SCRN1: variants seen among roughly 807,000 people sequenced by gnomAD.
SCRN1 encodes secernin 1.
SCRN1 carries 19 observed loss-of-function variants against 43.3 expected under a neutral mutation model. The observed-to-expected ratio is 0.44, with a 90% CI of 0.31 to 0.64. The LOEUF (loss-of-function observed/expected upper bound fraction) is 0.64, where lower values mean the gene tolerates loss of function less well. Ranked by LOEUF, SCRN1 falls within the 30% of genes least tolerant of loss-of-function variation. The pLI is 0.09. For synonymous variants in SCRN1, 183 were observed against 188.9 expected, an observed-to-expected ratio of 0.97 and a Z score of 0.26; for missense variants, 447 against 524.1, an observed-to-expected ratio of 0.85 and a Z score of 1.44.
At chr7:29,939,218 G>GT (rs1037672752) in intron 5 of SCRN1, among the ~76,000 whole-genome samples, 148 of 151,498 alleles carry the variant, frequency 9.8e-4, no homozygotes, top group African/African-American at 3.1e-3. Flanking sequence ...CTTCTTTTTT[G>GT]TTTTTTTTAA....
chr7:29,969,919 G>A, intron 1 of SCRN1: 1 of 456,094 alleles, frequency 2.2e-6, no homozygotes, highest in South Asian at 1.6e-5. Context: ...CTTGCCATTT[G>A]CTTCTCCATT....
At position 29,989,541 on chromosome 7, in the gene SCRN1, C is replaced by T. The variant is rs151276981; in HGVS notation, c.-2+101G>A. The T allele has an allele frequency of 4.6e-5, 45 of 985,308 alleles. No homozygotes were observed. In the East Asian group the frequency reaches 4.0e-3, roughly 87 times the overall value. 61.0% of individuals were successfully genotyped at this position (985,308 alleles called of 1,614,324 possible). A position where few individuals can be genotyped will look rare whatever the true frequency, so the allele number is the denominator to read the frequency against. ...AACGCTACCCGCGGGTTCGGAGGGA[C>T]AGCGGGAGGAGATGAAACGCAGGAG... On this transcript the variant is annotated intron_variant, in intron 1 of 7. Transcript: ENST00000242059.
chr7:29,954,264 T>A (rs1317636857), intron 3 of SCRN1, among the ~76,000 whole-genome samples: 1 of 152,098 alleles, frequency 6.6e-6, no homozygotes, highest in Non-Finnish European at 1.5e-5. Flanking sequence ...AACTGAGACA[T>A]AGAGAGGAAA....
chr7:29,968,950 A>G lies in SCRN1; in HGVS notation c.118T>C (p.Tyr40His), dbSNP rs1376248612. 6.2e-7 allele frequency: 1 copy of G among 1,614,178 alleles called. No individual in the cohort carries two copies. The highest frequency in any genetic ancestry group is 8.5e-7 in the Non-Finnish European group (1 of 1,180,028). The change falls in exon 2 of 8, where the codon TAT (tyrosine) becomes CAT (histidine). Residue 40 changes from tyrosine (Y) to histidine (H), a missense_variant. Physicochemically the swap from Tyr to His is moderately conservative, Grantham distance 83 (BLOSUM62 2). Transcript: ENST00000242059. ...RPRDEVQEVV[Y>H]FSAADHEPES... ...GGTTCGTGATCAGCAGCCGAGAAAT[A>G]CACAACCTCTTGCACTTCATCTCTG... is the stretch of plus-strand genomic sequence containing the variant.
chr7:29,973,609 G>A (rs1437767817), intron 1 of SCRN1, among the ~76,000 whole-genome samples: 2 of 152,176 alleles, frequency 1.3e-5, no homozygotes, highest in African/African-American at 4.8e-5. Flanking sequence ...GTCACATCAA[G>A]TACTTTAGTG....
chr7:29,943,974 C>T lies in SCRN1; in HGVS notation c.544+3G>A. The T allele has an allele frequency of 6.2e-7, 1 of 1,614,116 alleles. No individual in the cohort carries two copies. The highest frequency in any genetic ancestry group is 1.7e-4 in the Middle Eastern group (1 of 6,060). ...GAACTCTCCATCATCCACACCCACT[C>T]ACCTGTGACTTTCTCGGCAGCCCAG... On this transcript the variant is annotated splice_donor_region_variant and intron_variant, in intron 4 of 7. Transcript: ENST00000242059.
At chr7:29,978,734 G>C (rs1788905993) in intron 1 of SCRN1, among the ~76,000 whole-genome samples, 3 of 152,236 alleles carry the variant, frequency 2.0e-5, no homozygotes, top group Admixed American at 2.0e-4. Context: ...CAGCTAAAAA[G>C]TATGGCCCTG....
At chr7:29,928,992 G>A (rs75228649) in intron 6 of SCRN1, among the ~76,000 whole-genome samples, 23 of 152,258 alleles carry the variant, frequency 1.5e-4, no homozygotes, top group African/African-American at 3.9e-4. Context: ...GAGAGAGCAC[G>A]CCTAGCCATC....
Position 29,935,797 on chromosome 7 carries a change from C to T in SCRN1, c.905+759G>A, listed in dbSNP as rs375636273. Reference sequence around the variant, plus strand: ...ATCAGAGATCGTCTTCATAAATAATCGTTAAATCTACTATGTATTGACTTG... The same window carrying T: ...ATCAGAGATCGTCTTCATAAATAATTGTTAAATCTACTATGTATTGACTTG... On this transcript the variant is annotated intron_variant, in intron 6 of 7. Transcript: ENST00000242059. Among the ~76,000 whole-genome samples, 17 of 152,286 alleles carry T rather than the reference C, an allele frequency of 1.1e-4. No homozygotes were observed. The East Asian group carries it at 3.1e-3, about 28-fold the overall frequency.
At chr7:29,966,398 A>C (rs1788499553) in intron 2 of SCRN1, among the ~76,000 whole-genome samples, 1 of 152,150 alleles carries the variant, frequency 6.6e-6, no homozygotes, top group Admixed American at 6.5e-5. Flanking sequence ...TGGTGCAGCC[A>C]CCTTTGAGAA....
At chr7:29,984,204 C>CAAAAAAAAAA (rs55733700) in intron 1 of SCRN1, among the ~76,000 whole-genome samples, 1 of 98,258 alleles carries the variant, frequency 1.0e-5, no homozygotes. Context: ...AGACAGTCTC[C>CAAAAAAAAAA]AAAAAAAAAA....
chr7:29,936,646 A>C lies in SCRN1; in HGVS notation c.815T>G (p.Phe272Cys). The change falls in exon 6 of 8, where the codon TTC becomes TGC. Residue 272 changes from phenylalanine (F) to cysteine (C), a missense_variant. By Grantham distance (205) the Phe-to-Cys change is radical. Coordinates refer to ENST00000242059, the MANE Select transcript of SCRN1 (RefSeq NM_014766.5). ...ASGVCIDSEF[F>C]LTTASGVSVL... is the part of the protein sequence containing the mutation. ...AGACACTCCACTGGCTGTGGTGAGG[A>C]AAAACTCAGAGTCTATGCACACTCC... 6.2e-7 allele frequency: 1 copy of C among 1,607,778 alleles called. No individual in the cohort carries two copies. The highest frequency in any genetic ancestry group is 1.1e-5 in the South Asian group (1 of 90,532).
At chr7:29,955,387 C>T (rs763899156) in intron 2 of SCRN1, 27 bp from the exon 3 acceptor site, 18 of 1,606,856 alleles carry the variant, frequency 1.1e-5, no homozygotes, top group Middle Eastern at 1.7e-4. Flanking sequence ...GGAAAGAAAG[C>T]GCCATCACCT....
chr7:29,957,490 T>C (rs1035365508), intron 2 of SCRN1, among the ~76,000 whole-genome samples: 2 of 152,244 alleles, frequency 1.3e-5, no homozygotes, highest in Non-Finnish European at 1.5e-5. Context: ...ACTTATTACA[T>C]GTACTGTTTA....
chr7:29,971,662 GT>G (rs1163276595), intron 1 of SCRN1, among the ~76,000 whole-genome samples: 1 of 151,872 alleles, frequency 6.6e-6, no homozygotes, highest in Non-Finnish European at 1.5e-5. Context: ...CTTTATTTGG[GT>G]TTTGACTGTT....
At chr7:29,984,528 C>A (rs1234650945) in intron 1 of SCRN1, among the ~76,000 whole-genome samples, 2 of 151,406 alleles carry the variant, frequency 1.3e-5, no homozygotes, top group East Asian at 1.9e-4. Flanking sequence ...AAGATGACCA[C>A]CTCAAAGGAA....
Position 29,989,666 on chromosome 7 carries a change from G to A in SCRN1, c.-26C>T, listed in dbSNP as rs1300061275. Reference sequence around the variant, plus strand: ...CCTGGGGCGGCGGGCTCCGGGCTCCGCTCTCCGCTCTGCGGTGCTGAGGCT... The same window carrying A: ...CCTGGGGCGGCGGGCTCCGGGCTCCACTCTCCGCTCTGCGGTGCTGAGGCT... On this transcript the variant is annotated 5_prime_UTR_variant, in exon 1 of 8. Coordinates refer to ENST00000242059, the MANE Select transcript of SCRN1 (RefSeq NM_014766.5). The A allele has an allele frequency of 1.0e-6, 1 of 985,688 alleles. No individual in the cohort carries two copies. The highest frequency in any genetic ancestry group is 1.2e-6 in the Non-Finnish European group (1 of 830,144). 61.1% of individuals were successfully genotyped at this position (985,688 alleles called of 1,614,324 possible).
intron 2 of SCRN1, 101 bp from the exon 3 acceptor site, chr7:29,955,461 A>T (rs1788105226): frequency 9.4e-6 from 11 of 1,172,242 alleles, no homozygotes; most frequent in Middle Eastern, 2.0e-4. Flanking sequence ...TTACAAACAG[A>T]GCCAAAAAAT....
intron 2 of SCRN1, among the ~76,000 whole-genome samples, chr7:29,961,819 C>T (rs977335243): frequency 6.6e-6 from 1 of 152,106 alleles, no homozygotes; most frequent in African/African-American, 2.4e-5. Context: ...GCTGGCCGGG[C>T]GGGGGGCTGA....
Sources: allele counts gnomAD v4.1 joint callset (sites outside exome capture counted in the v4.1 genomes callset), GRCh38; gene constraint gnomAD v4.1.1; transcripts MANE v1.5; gene names NCBI Gene and HGNC (gene_info 2026-07-23, HGNC 2026-07-21).